The following PECAM1 variants were observed in gnomAD, a reference collection of about 807,000 sequenced individuals.
The protein encoded by PECAM1 is platelet endothelial cell adhesion molecule.
PECAM1 carries 8 observed loss-of-function variants against 13.8 expected under a neutral mutation model. The observed-to-expected ratio is 0.58, with a 90% CI of 0.34 to 1.05. The LOEUF is 1.05. Ranked by LOEUF, PECAM1 falls within the 50% of genes least tolerant of loss-of-function variation. The pLI, the probability that PECAM1 is intolerant of heterozygous loss-of-function variation, is 0.03. For synonymous variants in PECAM1, 136 were observed against 52.6 expected (o/e 2.58, Z -6.86); for missense variants, 304 against 141.2 (o/e 2.15, Z -5.84).
intron 5 of PECAM1, among the ~76,000 whole-genome samples, chr17:64,363,694 C>A (rs971046222): frequency 8.1e-4 from 123 of 152,256 alleles, no homozygotes; most frequent in Non-Finnish European, 8.8e-5. Flanking sequence ...TGCCTGTAAT[C>A]CCAGCACTTT....
chr17:64,388,740 T>C (rs2143925853), intron 2 of PECAM1, among the ~76,000 whole-genome samples: 1 of 152,274 alleles, frequency 6.6e-6, no homozygotes, highest in East Asian at 1.9e-4. Flanking sequence ...CAATCCTGGC[T>C]CACCGAACCT....
intron 14 of PECAM1, among the ~76,000 whole-genome samples, chr17:64,335,545 G>GA (rs2035255126): frequency 6.6e-6 from 1 of 152,172 alleles, no homozygotes; most frequent in Non-Finnish European, 1.5e-5. Context: ...CCAATTAAGA[G>GA]AAAAAAAGAG....
chr17:64,359,586 A>G (rs1193047948), intron 7 of PECAM1, among the ~76,000 whole-genome samples: 2 of 152,178 alleles, frequency 1.3e-5, no homozygotes, highest in Admixed American at 1.3e-4. Context: ...TGCAGTCAGG[A>G]CACTTTCATG....
At position 64,390,822 on chromosome 17, in the gene PECAM1, G is replaced by T; in HGVS notation, c.-157C>A. ...CCCGGCGCCTGCAGAGAGACCGGCT[G>T]TGGCGCTGGTCAGGTAATGGCAGCC... On this transcript the variant is annotated 5_prime_UTR_variant, in exon 1 of 16. Transcript: ENST00000563924. 1 of 397,450 alleles carries T rather than the reference G, an allele frequency of 2.5e-6. No individual in the cohort carries two copies. The highest frequency in any genetic ancestry group is 4.4e-6 in the Non-Finnish European group (1 of 225,810). The allele number at this position is 397,450 out of a possible 1,614,324, so 24.6% of individuals were successfully genotyped here.
intron 13 of PECAM1, 118 bp downstream of exon 13, chr17:64,348,138 ACTTC>A (rs1335883026): frequency 4.8e-6 from 2 of 414,460 alleles, no homozygotes; most frequent in Non-Finnish European, 8.7e-6. Context: ...TCTGCTAATC[ACTTC>A]CTTTGGAGCG....
At position 64,328,405 on chromosome 17, in the gene PECAM1, G is replaced by A. The variant is rs575682938; in HGVS notation, c.2187+1295C>T. Among the ~76,000 whole-genome samples the A allele has an allele frequency of 1.4e-4, 22 of 152,306 alleles. 1 individual carries two copies. The highest frequency in any genetic ancestry group is 1.2e-3 in the South Asian group (6 of 4,824). On this transcript the variant is annotated intron_variant, in intron 15 of 15. Coordinates refer to ENST00000563924, the MANE Select transcript of PECAM1 (RefSeq NM_000442.5). ...GACTGGCCGCAGAGTATAGAGGCCT[G>A]GGCTCTGTTCCTCACTCTATTAGCC...
At chr17:64,344,882 C>T (rs2035525041) in intron 13 of PECAM1, among the ~76,000 whole-genome samples, 1 of 152,130 alleles carries the variant, frequency 6.6e-6, no homozygotes, top group African/African-American at 2.4e-5. Context: ...CCTCTGCAGC[C>T]CACACAGCTT....
intron 4 of PECAM1, among the ~76,000 whole-genome samples, chr17:64,372,883 A>T (rs2036272514): frequency 6.6e-6 from 1 of 151,194 alleles, no homozygotes; most frequent in African/African-American, 2.4e-5. Context: ...TGGGAGGCTG[A>T]GGCAGGTGGA....
At chr17:64,377,187 G>C (rs1408497855) in intron 3 of PECAM1, among the ~76,000 whole-genome samples, 1 of 152,128 alleles carries the variant, frequency 6.6e-6, no homozygotes, top group East Asian at 1.9e-4. Flanking sequence ...TGCAGAACGA[G>C]GTGTCTTAAC....
intron 14 of PECAM1, among the ~76,000 whole-genome samples, chr17:64,335,226 T>C (rs2035246982): frequency 6.6e-6 from 1 of 152,100 alleles, no homozygotes; most frequent in Non-Finnish European, 1.5e-5. Context: ...AGAGGCTCTA[T>C]GACTTGCCCA....
chr17:64,348,571 C>A (rs1375681210), intron 12 of PECAM1, among the ~76,000 whole-genome samples: 2 of 151,878 alleles, frequency 1.3e-5, no homozygotes, highest in Non-Finnish European at 2.9e-5. Context: ...CCATGCCCAG[C>A]TAATTTTTGT....
At chr17:64,344,085 T>C (rs1342685279) in intron 13 of PECAM1, among the ~76,000 whole-genome samples, 1 of 151,996 alleles carries the variant, frequency 6.6e-6, no homozygotes, top group Admixed American at 6.6e-5. Flanking sequence ...ACCAGGCGCA[T>C]GGTGGGGTGG....
Position 64,322,725 on chromosome 17 carries a change from G to T in PECAM1, c.*1091C>A. 1 of 937,384 alleles carries T rather than the reference G, an allele frequency of 1.1e-6. No homozygotes were observed. Among genetic ancestry groups the T allele is most frequent in the Non-Finnish European group, 1.2e-6 (1 of 805,548 alleles). The allele number at this position is 937,384 out of a possible 1,614,324, so 58.1% of individuals were successfully genotyped here. A position where few individuals can be genotyped will look rare whatever the true frequency, so the allele number is the denominator to read the frequency against. ...TCTTTAGCAAGCAATTTTGTTTTTTGTTTTTTTTGAGATGGATTCTCACTC... is the reference window on the plus strand; with the variant it reads ...TCTTTAGCAAGCAATTTTGTTTTTTTTTTTTTTTGAGATGGATTCTCACTC... On this transcript the variant is annotated 3_prime_UTR_variant, in exon 16 of 16. Transcript: ENST00000563924.
chr17:64,342,961 G>T (rs901228774), intron 13 of PECAM1, among the ~76,000 whole-genome samples: 17 of 152,120 alleles, frequency 1.1e-4, no homozygotes, highest in African/African-American at 4.1e-4. Flanking sequence ...TGCACACAGG[G>T]TGTGCACACA....
intron 13 of PECAM1, among the ~76,000 whole-genome samples, chr17:64,343,500 G>A (rs2035485592): frequency 6.6e-6 from 1 of 152,158 alleles, no homozygotes; most frequent in African/African-American, 2.4e-5. Flanking sequence ...GACCTCCTAT[G>A]GGGTGACAGC....
intron 14 of PECAM1, among the ~76,000 whole-genome samples, chr17:64,333,266 C>A (rs1265433242): frequency 6.6e-6 from 1 of 152,178 alleles, no homozygotes; most frequent in Non-Finnish European, 1.5e-5. Context: ...CAGAGCAAGA[C>A]TCAGCACCCA....
chr17:64,371,380 T>C (rs1364068459), intron 4 of PECAM1, among the ~76,000 whole-genome samples: 1 of 152,110 alleles, frequency 6.6e-6, no homozygotes, highest in East Asian at 1.9e-4. Context: ...AATCAATTTA[T>C]TAAAGGCTCA....
chr17:64,377,221 A>G (rs933446300), intron 3 of PECAM1, among the ~76,000 whole-genome samples: 1 of 152,154 alleles, frequency 6.6e-6, no homozygotes, highest in African/African-American at 2.4e-5. Context: ...CTTTATACAC[A>G]CAAATACCAT....
intron 5 of PECAM1, among the ~76,000 whole-genome samples, chr17:64,367,806 T>C (rs1397924836): frequency 1.3e-5 from 2 of 152,178 alleles, no homozygotes; most frequent in Non-Finnish European, 2.9e-5. Context: ...TGTGTTGAAC[T>C]GGTACTTTTC....
Sources: gnomAD v4.1 joint callset for allele counts (sites outside exome capture counted in the v4.1 genomes callset) on GRCh38, gnomAD v4.1.1 for gene constraint, MANE v1.5 for transcripts, NCBI Gene and HGNC (gene_info 2026-07-23, HGNC 2026-07-21) for gene names.